Variants in GPC3 observed in about 807,000 individuals in gnomAD.
The protein encoded by GPC3 is glypican-3.
GPC3 carries 3 observed loss-of-function variants against 34.4 expected under a neutral mutation model. The ratio of observed to expected loss-of-function variants is 0.09; its 90% confidence interval spans 0.04 to 0.23. The LOEUF is 0.23. Among genes scored for constraint, GPC3 ranks in the 10% least tolerant of loss-of-function variants. GPC3 has a pLI of 1.00. For synonymous variants in GPC3, 177 were observed against 174.0 expected, an observed-to-expected ratio of 1.02 and a Z score of -0.13; for missense variants, 351 against 445.6, an observed-to-expected ratio of 0.79 and a Z score of 1.91.
In GPC3 at chrX:133,536,152, A is replaced by G; in HGVS notation, c.1715T>C (p.Val572Ala). ...LKLLTSMAIS[V>A]VCFFFLVH ...GTGCACCAGGAAGAAGAAGCACACCACCGAGATGGCCATGCTGGTGAGAAG... is the reference window on the plus strand; with the variant it reads ...GTGCACCAGGAAGAAGAAGCACACCGCCGAGATGGCCATGCTGGTGAGAAG... Residue 572 changes from valine (V) to alanine (A), a missense_variant, in exon 8 of 8, where the codon GTG (valine) becomes GCG (alanine). By Grantham distance (64) the Val-to-Ala change is moderately conservative. Transcript: ENST00000370818. 8.3e-7 allele frequency: 1 copy of G among 1,207,957 alleles called. No individual in the cohort carries two copies. The highest frequency in any genetic ancestry group is 1.8e-5 in the South Asian group (1 of 56,797).
intron 2 of GPC3, among the ~76,000 whole-genome samples, chrX:133,940,318 A>G (rs1240952701): frequency 9.0e-6 from 1 of 111,652 alleles, no homozygotes; most frequent in Non-Finnish European, 1.9e-5. Flanking sequence ...CATTTCAATA[A>G]GTTTTAAAGC....
intron 1 of GPC3, among the ~76,000 whole-genome samples, chrX:133,967,619 G>GTTTGTTTTGT (rs960791604): frequency 2.1e-4 from 23 of 111,867 alleles, no homozygotes; most frequent in Non-Finnish European, 2.4e-4. Context: ...TTTTTTGTTT[G>GTTTGTTTTGT]TTTGTTTTGT....
intron 6 of GPC3, among the ~76,000 whole-genome samples, chrX:133,650,450 CACCCACCCACACACA>C (rs2070588784): frequency 1.1e-5 from 1 of 92,334 alleles, no homozygotes; most frequent in African/African-American, 4.0e-5. Context: ...CACACCCACA[CACCCACCCACACACA>C]CACACACACA....
chrX:133,769,471 T>C (rs952906940), intron 2 of GPC3, among the ~76,000 whole-genome samples: 15 of 112,408 alleles, frequency 1.3e-4, no homozygotes, highest in African/African-American at 4.5e-4. Context: ...CTGATTATGA[T>C]GAAGGCTTCA....
chrX:133,736,311 A>G (rs2071511001), intron 3 of GPC3, among the ~76,000 whole-genome samples: 1 of 112,190 alleles, frequency 8.9e-6, no homozygotes, highest in African/African-American at 3.2e-5. Context: ...ACTGGAAAAC[A>G]GTTTGGCAGT....
At chrX:133,625,015 G>T (rs1376060081) in intron 6 of GPC3, among the ~76,000 whole-genome samples, 2 of 111,929 alleles carry the variant, frequency 1.8e-5, no homozygotes, top group Non-Finnish European at 3.8e-5. Context: ...TTCAACATAT[G>T]CAAATCAATA....
At chrX:133,745,972 T>A (rs775398546) in intron 3 of GPC3, among the ~76,000 whole-genome samples, 1 of 112,347 alleles carries the variant, frequency 8.9e-6, no homozygotes, top group East Asian at 2.8e-4. Flanking sequence ...CCATCTATTA[T>A]AAAATATTTG....
intron 2 of GPC3, among the ~76,000 whole-genome samples, chrX:133,830,564 G>C (rs1284958787): frequency 9.4e-6 from 1 of 106,748 alleles, no homozygotes; most frequent in African/African-American, 3.4e-5. Context: ...TGTAATCCCA[G>C]CTACTCAGGA....
intron 6 of GPC3, among the ~76,000 whole-genome samples, chrX:133,603,203 G>A (rs2070006926): frequency 9.2e-6 from 1 of 109,253 alleles, no homozygotes; most frequent in Admixed American, 9.8e-5. Context: ...TTTCTGATTT[G>A]GTGAATCTGG....
intron 1 of GPC3, among the ~76,000 whole-genome samples, chrX:133,966,246 T>C (rs113695152): frequency 1.7e-3 from 192 of 112,282 alleles, no homozygotes; most frequent in African/African-American, 5.8e-3. Flanking sequence ...TTTGAATACA[T>C]GAAAAAAATT....
chrX:133,648,950 C>T (rs2070570487), intron 6 of GPC3, among the ~76,000 whole-genome samples: 2 of 111,935 alleles, frequency 1.8e-5, no homozygotes, highest in African/African-American at 3.3e-5. Context: ...TAGCATAGTA[C>T]TTGGTTTATA....
chrX:133,606,825 G>A (rs1227107422), intron 6 of GPC3, among the ~76,000 whole-genome samples: 1 of 111,834 alleles, frequency 8.9e-6, no homozygotes, highest in African/African-American at 3.3e-5. Flanking sequence ...GGGATTAAAT[G>A]AGGTAATTTG....
At chrX:133,728,857 A>AAGT (rs1242239464) in intron 3 of GPC3, among the ~76,000 whole-genome samples, 2 of 112,488 alleles carry the variant, frequency 1.8e-5, no homozygotes, top group Admixed American at 9.4e-5. Flanking sequence ...CTACTCATAA[A>AAGT]AGTTAAGTAG....
chrX:133,861,455 T>C (rs1349744976), intron 2 of GPC3, among the ~76,000 whole-genome samples: 1 of 111,511 alleles, frequency 9.0e-6, no homozygotes, highest in Non-Finnish European at 1.9e-5. Context: ...AACTGAAATT[T>C]GGTTACGTCT....
At chrX:133,972,508 C>T (rs2076497784) in intron 1 of GPC3, among the ~76,000 whole-genome samples, 1 of 112,377 alleles carries the variant, frequency 8.9e-6, no homozygotes, top group African/African-American at 3.2e-5. Flanking sequence ...AGAGGTTCTA[C>T]CCATCTAAGG....
At chrX:133,772,235 G>T (rs2071930444) in intron 2 of GPC3, among the ~76,000 whole-genome samples, 1 of 111,410 alleles carries the variant, frequency 9.0e-6, no homozygotes, top group Non-Finnish European at 1.9e-5. Context: ...TTAAGCTAAG[G>T]GGTTATATGG....
Position 133,753,915 on chromosome X carries a change from C to T in GPC3, c.599G>A (p.Gly200Glu). 1 of 1,211,665 alleles carries T rather than the reference C, an allele frequency of 8.3e-7. No homozygotes were observed. The highest frequency in any genetic ancestry group is 1.1e-6 in the Non-Finnish European group (1 of 895,411). ...AAATACTTTCAGGTCACGTCTTGCT[C>T]CTCGGAGGCACTCATTGATGTCCAA... ...SALDINECLR[G>E]ARRDLKVFGN... The change falls in exon 3 of 8, where the codon GGA (glycine) becomes GAA (glutamate). Residue 200 changes from glycine to glutamate, a missense_variant. Transcript: ENST00000370818.
chrX:133,701,233 C>T lies in GPC3; in HGVS notation c.1033-1205G>A, dbSNP rs926860634. On this transcript the variant is annotated intron_variant, in intron 3 of 7. Transcript: ENST00000370818. ...CTTTCAAGCAAAAGCCTAAATGAAC[C>T]TCCATATAAAGAAATATGAATATTA... Among the ~76,000 whole-genome samples the T allele has an allele frequency of 2.7e-5, 3 of 111,462 alleles. No homozygotes were observed. In the Admixed American group the frequency reaches 2.9e-4, roughly 11 times the overall value.
At chrX:133,955,059 A>T (rs775931628) in intron 1 of GPC3, among the ~76,000 whole-genome samples, 4 of 110,984 alleles carry the variant, frequency 3.6e-5, no homozygotes, top group African/African-American at 1.3e-4. Flanking sequence ...TTCTCCAATT[A>T]GCATTTGTTG....
Sources: gnomAD v4.1 joint callset for allele counts (sites outside exome capture counted in the v4.1 genomes callset) on GRCh38, gnomAD v4.1.1 for gene constraint, MANE v1.5 for transcripts, NCBI Gene and HGNC (gene_info 2026-07-23, HGNC 2026-07-21) for gene names.